Variants in PIWIL3 observed in about 807,000 individuals in gnomAD.
The protein encoded by PIWIL3 is piwi-like protein 3.
PIWIL3 carries 101 observed loss-of-function variants against 109.7 expected under a neutral mutation model. The ratio of observed to expected loss-of-function variants is 0.92; its 90% CI spans 0.78 to 1.09. The LOEUF is 1.09. Among genes scored for constraint, PIWIL3 ranks in the 50% least tolerant of loss-of-function variants. The pLI is 0.00. For synonymous variants in PIWIL3, 373 were observed against 376.4 expected (o/e 0.99, Z 0.10); for missense variants, 1,031 against 1,072.6 (o/e 0.96, Z 0.54).
chr22:24,753,419 C>T (rs577815704), intron 8 of PIWIL3, among the ~76,000 whole-genome samples: 17 of 152,326 alleles, frequency 1.1e-4, no homozygotes, highest in African/African-American at 4.1e-4. Context: ...TGCCTTGACA[C>T]ACTTGTCAGA....
At chr22:24,756,822 C>G (rs1569108974) in intron 4 of PIWIL3, 117 bp from the exon 5 acceptor site, 2 of 859,144 alleles carry the variant, frequency 2.3e-6, no homozygotes, top group Non-Finnish European at 3.6e-6. Flanking sequence ...GCTCACGCCT[C>G]TAATCCCAGC....
At chr22:24,731,507 C>T (rs1193371435) in intron 14 of PIWIL3, among the ~76,000 whole-genome samples, 4 of 151,960 alleles carry the variant, frequency 2.6e-5, no homozygotes, top group East Asian at 1.9e-4. Flanking sequence ...AAAAATTAGC[C>T]GGGCATGGTG....
chr22:24,761,359 T>C (rs1430986638), intron 2 of PIWIL3, among the ~76,000 whole-genome samples: 2 of 152,040 alleles, frequency 1.3e-5, no homozygotes. Flanking sequence ...GGAGGTAACC[T>C]AAACGCCAAG....
At chr22:24,732,864 G>C (rs1387817609) in intron 14 of PIWIL3, among the ~76,000 whole-genome samples, 1 of 152,126 alleles carries the variant, frequency 6.6e-6, no homozygotes, top group Non-Finnish European at 1.5e-5. Flanking sequence ...GATACCAAAT[G>C]AGCAAAGAGA....
At chr22:24,748,375 G>C (rs1924495526) in intron 12 of PIWIL3, among the ~76,000 whole-genome samples, 1 of 152,020 alleles carries the variant, frequency 6.6e-6, no homozygotes, top group African/African-American at 2.4e-5. Context: ...TAGTACAAAA[G>C]GGTGACTAAA....
intron 16 of PIWIL3, among the ~76,000 whole-genome samples, chr22:24,727,552 T>C (rs773392251): frequency 1.3e-5 from 2 of 152,168 alleles, no homozygotes; most frequent in Non-Finnish European, 2.9e-5. Flanking sequence ...AAGAAATGGA[T>C]TCAGCCACAA....
chr22:24,727,847 C>T (rs1923086213), intron 16 of PIWIL3, 103 bp downstream of exon 16: 1 of 934,402 alleles, frequency 1.1e-6, no homozygotes, highest in African/African-American at 1.7e-5. Flanking sequence ...ACTCATCTGT[C>T]AAATTCCCAA....
intron 7 of PIWIL3, 55 bp downstream of exon 7, chr22:24,754,729 C>T: frequency 7.1e-7 from 1 of 1,409,756 alleles, no homozygotes; most frequent in Non-Finnish European, 1.0e-6. Context: ...ATAACTTTCT[C>T]AAAAAATCCT....
chr22:24,725,166 T>C, intron 17 of PIWIL3, 129 bp from the exon 18 acceptor site: 1 of 1,154,830 alleles, frequency 8.7e-7, no homozygotes, highest in South Asian at 1.5e-5. Context: ...TTAAGTCCTG[T>C]CTATTCTGGG....
At chr22:24,768,609 T>A (rs1013309904) in intron 1 of PIWIL3, among the ~76,000 whole-genome samples, 2 of 152,176 alleles carry the variant, frequency 1.3e-5, no homozygotes, top group Non-Finnish European at 2.9e-5. Flanking sequence ...GGAAGGTCTG[T>A]GGCTGACAGC....
rs973360701 is a variant in PIWIL3, at chr22:24,743,416, C to T, written c.1449+5491G>A. Among the ~76,000 whole-genome samples the T allele has an allele frequency of 4.6e-5, 7 of 152,124 alleles. No homozygotes were observed. The East Asian group carries it at 5.8e-4, about 13-fold the overall frequency. ...TGCAAGTTTATAGCAGCACAGTTTG[C>T]GATCACAAAAATATAGAACCATCCC... On this transcript the variant is annotated intron_variant, in intron 12 of 20. Coordinates refer to ENST00000616349, the MANE Select transcript of PIWIL3 (RefSeq NM_001255975.1).
rs549663667 is a variant in PIWIL3 at position 24,738,866 on chromosome 22, A to G, written c.1450-2974T>C. Among the ~76,000 whole-genome samples, 19 of 152,260 alleles carry G rather than the reference A, an allele frequency of 1.2e-4. No individual in the cohort carries two copies. In the South Asian group the frequency reaches 3.9e-3, roughly 32 times the overall value. ...CCATCCAGGAAAACACGGACCTCAG[A>G]AAATGAACCAAATAAGGCACCAGGC... On this transcript the variant is annotated intron_variant, in intron 12 of 20. Transcript: ENST00000616349.
chr22:24,771,152 C>T (rs372683140), intron 1 of PIWIL3, among the ~76,000 whole-genome samples: 1 of 151,978 alleles, frequency 6.6e-6, no homozygotes, highest in African/African-American at 2.4e-5. Context: ...CATTTCCTAG[C>T]TGCTAACATT....
rs1404771308 is a variant in PIWIL3, at chr22:24,756,661, C to T, written c.400G>A (p.Val134Met). The change falls in exon 5 of 21, where the codon GTG becomes ATG. Residue 134 changes from valine to methionine, a missense_variant. Coordinates refer to ENST00000616349, the MANE Select transcript of PIWIL3 (RefSeq NM_001255975.1). ...VVQLLANHFR[V>M]ISRPQWVAYK... ...GCAACCCACTGAGGACGAGATATCA[C>T]TCGGAAGTGGTTGGCGAGTAGCTGT... 3 of 1,613,964 alleles carry T rather than the reference C, an allele frequency of 1.9e-6. No individual in the cohort carries two copies. The highest frequency in any genetic ancestry group is 2.5e-6 in the Non-Finnish European group (3 of 1,180,006).
In PIWIL3 at chr22:24,749,799, T is replaced by G; in HGVS notation, c.1110A>C (p.Thr370=). 6.2e-7 allele frequency: 1 copy of G among 1,612,546 alleles called. No homozygotes were observed. Among genetic ancestry groups the G allele is most frequent in the Non-Finnish European group, 8.5e-7 (1 of 1,179,298 alleles). The change falls in exon 10 of 21, where the codon ACA becomes ACC. Residue 370 remains threonine, a synonymous_variant. Coordinates refer to ENST00000616349, the MANE Select transcript of PIWIL3 (RefSeq NM_001255975.1). ...TGACCAAAAGTGGCTGTTTCTTCAC[T>G]GTGACAATTTCTTTATGTTGCTGCT... The part of the protein sequence containing the change: ...YYRQQHKEIV[T]VKKQPLLVSQ...
chr22:24,723,018 C>A (rs1922766851), intron 19 of PIWIL3, 112 bp downstream of exon 19: 4 of 1,232,984 alleles, frequency 3.2e-6, no homozygotes, highest in Non-Finnish European at 4.5e-6. Context: ...CAAATTAGTT[C>A]TAAAGAATCA....
At chr22:24,743,422 C>CA (rs1924125862) in intron 12 of PIWIL3, among the ~76,000 whole-genome samples, 1 of 152,116 alleles carries the variant, frequency 6.6e-6, no homozygotes, top group South Asian at 2.1e-4. Flanking sequence ...TTTGCGATCA[C>CA]AAAAATATAG....
chr22:24,744,206 A>AAAAAAAAAAC (rs1243624300), intron 12 of PIWIL3, among the ~76,000 whole-genome samples: 8 of 148,234 alleles, frequency 5.4e-5, no homozygotes, highest in Non-Finnish European at 8.9e-5. Flanking sequence ...AAAAAAAAAA[A>AAAAAAAAAAC]ACAATGATCT....
At chr22:24,753,068 T>C (rs528081191) in intron 8 of PIWIL3, among the ~76,000 whole-genome samples, 1 of 152,378 alleles carries the variant, frequency 6.6e-6, no homozygotes, top group East Asian at 1.9e-4. Context: ...AGGTTACTTA[T>C]GTGATTTGCA....
Sources: allele counts gnomAD v4.1 joint callset (sites outside exome capture counted in the v4.1 genomes callset), GRCh38; gene constraint gnomAD v4.1.1; transcripts MANE v1.5; gene names NCBI Gene and HGNC (gene_info 2026-07-23, HGNC 2026-07-21).